The following KCNJ3 variants were observed in gnomAD, a reference collection of about 807,000 sequenced individuals.
The protein encoded by KCNJ3 is potassium inwardly rectifying channel subfamily J member 3.
Under a neutral mutation model 39.2 loss-of-function variants are expected in KCNJ3, and 4 were observed. That is an observed-to-expected ratio of 0.10 (90% confidence interval 0.05 to 0.23). The LOEUF is 0.23. Among genes scored for constraint, KCNJ3 ranks in the 10% least tolerant of loss-of-function variants. KCNJ3 has a pLI of 1.00. For missense variants in KCNJ3, 276 were observed against 634.9 expected (o/e 0.43, Z 6.08); for synonymous variants, 230 against 237.4 (o/e 0.97, Z 0.29).
intron 2 of KCNJ3, among the ~76,000 whole-genome samples, chr2:154,769,019 T>C (rs190126718): frequency 0.011 from 1,673 of 152,320 alleles, 13 homozygotes; most frequent in Middle Eastern, 0.048. Flanking sequence ...ATGCTTGTGA[T>C]TTTTGCACAT....
chr2:154,747,810 T>C (rs1349580162), intron 2 of KCNJ3, among the ~76,000 whole-genome samples: 2 of 152,032 alleles, frequency 1.3e-5, no homozygotes, highest in East Asian at 1.9e-4. Flanking sequence ...ATAGGTGATG[T>C]ATGGCTCCTG....
rs35296161 is a variant in KCNJ3 at position 154,725,234 on chromosome 2, GT to G, written c.919+15427del. On this transcript the variant is annotated intron_variant, in intron 2 of 2. Coordinates refer to ENST00000295101, the MANE Select transcript of KCNJ3 (RefSeq NM_002239.4). The stretch of plus-strand genomic sequence containing the variant: ...GTCAAACAATAGATGGTTATGTTCT[GT>G]TTTTTTTTTTTCTCCAAACTTCTCT... Among the ~76,000 whole-genome samples, 127 of 141,604 alleles carry G rather than the reference GT, an allele frequency of 9.0e-4. No homozygotes were observed. In the East Asian group the frequency reaches 0.012, roughly 13 times the overall value. 92.9% of individuals were successfully genotyped at this position (141,604 alleles called of 152,430 possible).
chr2:154,783,189 T>C (rs995685795), intron 2 of KCNJ3, among the ~76,000 whole-genome samples: 3 of 151,944 alleles, frequency 2.0e-5, no homozygotes, highest in Admixed American at 2.0e-4. Context: ...AAAAAAAAAG[T>C]ACTTTTAGTA....
At chr2:154,705,971 T>A (rs1685001941) in intron 1 of KCNJ3, among the ~76,000 whole-genome samples, 1 of 152,126 alleles carries the variant, frequency 6.6e-6, no homozygotes, top group Non-Finnish European at 1.5e-5. Context: ...TCAAATTATC[T>A]TCTAAATTTT....
chr2:154,721,816 A>G (rs532761514), intron 2 of KCNJ3, among the ~76,000 whole-genome samples: 1 of 152,300 alleles, frequency 6.6e-6, no homozygotes, highest in African/African-American at 2.4e-5. Flanking sequence ...ATTGAGATGA[A>G]ACAACTTGTC....
rs551080914 is a variant in KCNJ3 at position 154,726,656 on chromosome 2, C to T, written c.919+16837C>T. ...AGTCATTATAAGAAAAAGATATTTG[C>T]ACATGCATGTTTATAGCAAGCAGCA... On this transcript the variant is annotated intron_variant, in intron 2 of 2. Coordinates refer to ENST00000295101, the MANE Select transcript of KCNJ3 (RefSeq NM_002239.4). Among the ~76,000 whole-genome samples the T allele has an allele frequency of 4.6e-5, 7 of 152,056 alleles. No homozygotes were observed. The South Asian group carries it at 1.5e-3, about 32-fold the overall frequency.
At chr2:154,824,044 A>G (rs1180110748) in intron 2 of KCNJ3, among the ~76,000 whole-genome samples, 1 of 152,144 alleles carries the variant, frequency 6.6e-6, no homozygotes, top group African/African-American at 2.4e-5. Flanking sequence ...AAATTACCCT[A>G]TACTTAGGCC....
intron 2 of KCNJ3, among the ~76,000 whole-genome samples, chr2:154,798,648 C>G (rs766547994): frequency 6.6e-6 from 1 of 152,124 alleles, no homozygotes; most frequent in Non-Finnish European, 1.5e-5. Flanking sequence ...ATAAGTGAAC[C>G]ATGTTAGTCC....
chr2:154,820,764 A>T (rs1179200442), intron 2 of KCNJ3, among the ~76,000 whole-genome samples: 1 of 152,162 alleles, frequency 6.6e-6, no homozygotes. Context: ...AGGTTGCAAA[A>T]TGATGGTAAT....
At chr2:154,748,050 A>G (rs1685777803) in intron 2 of KCNJ3, among the ~76,000 whole-genome samples, 1 of 152,148 alleles carries the variant, frequency 6.6e-6, no homozygotes, top group South Asian at 2.1e-4. Flanking sequence ...CCCTGCCTCC[A>G]TCTCCCATCC....
At chr2:154,742,573 A>T (rs1394006561) in intron 2 of KCNJ3, among the ~76,000 whole-genome samples, 2 of 151,706 alleles carry the variant, frequency 1.3e-5, no homozygotes. Flanking sequence ...ATCCTAATTG[A>T]TCTGAGGTGG....
chr2:154,798,515 C>T (rs1309979114), intron 2 of KCNJ3, among the ~76,000 whole-genome samples: 3 of 152,074 alleles, frequency 2.0e-5, no homozygotes, highest in South Asian at 2.1e-4. Flanking sequence ...TAGCCTTTCT[C>T]GTTATCAAAA....
intron 2 of KCNJ3, among the ~76,000 whole-genome samples, chr2:154,811,390 G>A (rs182601488): frequency 1.3e-4 from 20 of 152,240 alleles, no homozygotes; most frequent in Non-Finnish European, 2.6e-4. Context: ...AGTTTTCAGC[G>A]ATTTTTCTGC....
intron 2 of KCNJ3, among the ~76,000 whole-genome samples, chr2:154,847,921 GACTT>G (rs1327072858): frequency 6.6e-6 from 1 of 152,098 alleles, no homozygotes; most frequent in South Asian, 2.1e-4. Flanking sequence ...GGGCTGATAT[GACTT>G]ACTTACTGTG....
At chr2:154,816,243 C>T (rs1687081979) in intron 2 of KCNJ3, among the ~76,000 whole-genome samples, 1 of 152,124 alleles carries the variant, frequency 6.6e-6, no homozygotes, top group Non-Finnish European at 1.5e-5. Context: ...AAATGCCTTA[C>T]ACAATATTAT....
intron 2 of KCNJ3, among the ~76,000 whole-genome samples, chr2:154,743,540 A>G (rs1266887579): frequency 1.3e-5 from 2 of 151,134 alleles, no homozygotes; most frequent in Admixed American, 1.3e-4. Context: ...TTGTAATTGT[A>G]TACATTTTTT....
intron 2 of KCNJ3, among the ~76,000 whole-genome samples, chr2:154,723,895 A>T (rs914757774): frequency 1.3e-5 from 2 of 152,136 alleles, no homozygotes; most frequent in African/African-American, 4.8e-5. Flanking sequence ...ATAAATTACA[A>T]TTTATAGCTT....
chr2:154,817,460 C>G (rs2971912), intron 2 of KCNJ3, among the ~76,000 whole-genome samples: 29,661 of 151,996 alleles, frequency 0.2, 3,420 homozygotes, highest in East Asian at 0.47. Context: ...TTTGCACAAT[C>G]ACTGCTGTTC....
chr2:154,792,005 T>C (rs1322862938), intron 2 of KCNJ3, among the ~76,000 whole-genome samples: 1 of 152,058 alleles, frequency 6.6e-6, no homozygotes, highest in Non-Finnish European at 1.5e-5. Context: ...TTTTAACTGC[T>C]TTTATATTTC....
Sources: gnomAD v4.1 joint callset for allele counts (sites outside exome capture counted in the v4.1 genomes callset) on GRCh38, gnomAD v4.1.1 for gene constraint, MANE v1.5 for transcripts, NCBI Gene and HGNC (gene_info 2026-07-23, HGNC 2026-07-21) for gene names.